The following AKIRIN1 variants were observed in gnomAD, a reference collection of about 807,000 sequenced individuals.
AKIRIN1 encodes the protein akirin-1.
Under a neutral mutation model 25.9 loss-of-function variants are expected in AKIRIN1, and 4 were observed. That is an observed-to-expected ratio of 0.15 (90% confidence interval 0.08 to 0.35). The LOEUF (loss-of-function observed/expected upper bound fraction) is 0.35, where lower values mean the gene tolerates loss of function less well. Among genes scored for constraint, AKIRIN1 ranks in the 10% least tolerant of loss-of-function variants. AKIRIN1 has a pLI of 1.00. For missense variants in AKIRIN1, 243 were observed against 266.1 expected (o/e 0.91, Z 0.61); for synonymous variants, 125 against 105.1 (o/e 1.19, Z -1.16).
In AKIRIN1 at chr1:38,994,682, T is replaced by A. The variant is rs1248389031; in HGVS notation, c.220+3082T>A. Among the ~76,000 whole-genome samples, 377 of 103,978 alleles carry A rather than the reference T, an allele frequency of 3.6e-3. 17 individuals carry two copies. The highest frequency in any genetic ancestry group is 8.8e-3 in the Middle Eastern group (2 of 226). 68.2% of individuals were successfully genotyped at this position (103,978 alleles called of 152,430 possible). ...CACTACGCTCGGCTAATTTTTTTTT[T>A]TTTTTTTTTTTTTTTTTTTTTTTTG... On this transcript the variant is annotated intron_variant, in intron 1 of 4. Transcript: ENST00000432648.
At chr1:38,991,632 G>A in intron 1 of AKIRIN1, 32 bp downstream of exon 1, 6 of 761,626 alleles carry the variant, frequency 7.9e-6, no homozygotes, top group Non-Finnish European at 9.9e-6. Context: ...TTGGCAGGAA[G>A]CCAGGCCCAG....
At chr1:38,992,115 C>T (rs534166096) in intron 1 of AKIRIN1, among the ~76,000 whole-genome samples, 6 of 152,314 alleles carry the variant, frequency 3.9e-5, no homozygotes, top group Non-Finnish European at 5.9e-5. Context: ...GCAAGAGTCA[C>T]GGAATCCGAT....
chr1:38,996,018 G>A (rs545649678), intron 1 of AKIRIN1, among the ~76,000 whole-genome samples: 1 of 152,078 alleles, frequency 6.6e-6, no homozygotes, highest in African/African-American at 2.4e-5. Flanking sequence ...TGGGCGACAG[G>A]GTAAGACTCT....
At position 38,998,404 on chromosome 1, in the gene AKIRIN1, G is replaced by A. The variant is rs898564754; in HGVS notation, c.361+93G>A. 9 of 1,345,126 alleles carry A rather than the reference G, an allele frequency of 6.7e-6. 1 individual carries two copies. The African/African-American group carries it at 1.3e-4, about 20-fold the overall frequency. 83.3% of individuals were successfully genotyped at this position (1,345,126 alleles called of 1,614,324 possible). On this transcript the variant is annotated intron_variant, in intron 2 of 4. Coordinates refer to ENST00000432648, the MANE Select transcript of AKIRIN1 (RefSeq NM_024595.3). ...AGAATTGGCCTCCTCTAATGTAATAGAATTGCTAACGGGGATGTATTAATA... is the reference window on the plus strand; with the variant it reads ...AGAATTGGCCTCCTCTAATGTAATAAAATTGCTAACGGGGATGTATTAATA...
intron 2 of AKIRIN1, among the ~76,000 whole-genome samples, chr1:38,998,940 T>C (rs1156928671): frequency 6.6e-6 from 1 of 152,214 alleles, no homozygotes; most frequent in Non-Finnish European, 1.5e-5. Flanking sequence ...AGGTACTCAT[T>C]AGCCACATAT....
rs1261424531 is a variant in AKIRIN1 at position 39,004,900 on chromosome 1, C to T, written c.*845C>T. On this transcript the variant is annotated 3_prime_UTR_variant, in exon 5 of 5. Coordinates refer to ENST00000432648, the MANE Select transcript of AKIRIN1 (RefSeq NM_024595.3). ...AAAAGGTCTACCCTGGAGCCAGGAG[C>T]ATCAGGGTTGGCTTGGGAGCATGAG... 1.3e-5 allele frequency: 2 copies of T among 152,358 alleles called. No individual in the cohort carries two copies. Among genetic ancestry groups the T allele is most frequent in the South Asian group, 2.1e-4 (1 of 4,836 alleles). The allele number at this position is 152,358 out of a possible 1,614,324, so 9.4% of individuals were successfully genotyped here.
intron 3 of AKIRIN1, among the ~76,000 whole-genome samples, chr1:39,002,139 A>G (rs1422572810): frequency 6.6e-6 from 1 of 152,196 alleles, no homozygotes; most frequent in Non-Finnish European, 1.5e-5. Context: ...TCCTTTTCTG[A>G]TTAAAGTCCT....
chr1:38,991,729 A>G, intron 1 of AKIRIN1, 129 bp downstream of exon 1: 1 of 1,057,608 alleles, frequency 9.5e-7, no homozygotes, highest in Non-Finnish European at 1.2e-6. Flanking sequence ...AGAAAAGGGA[A>G]CTGGGATGCC....
intron 1 of AKIRIN1, among the ~76,000 whole-genome samples, chr1:38,996,209 C>A (rs7368120): frequency 2.0e-5 from 3 of 151,566 alleles, no homozygotes; most frequent in Non-Finnish European, 4.4e-5. Flanking sequence ...ATTCTCCTGC[C>A]TCAGCCTCCC....
chr1:38,991,299 C>T lies in AKIRIN1; in HGVS notation c.-82C>T, dbSNP rs574215672. ...GTGCTGGAGGCGCCATTGGAGCCGG[C>T]TTGGCTGGCGAGCCCGGCTGAGGAG... On this transcript the variant is annotated 5_prime_UTR_variant, in exon 1 of 5. Transcript: ENST00000432648. 4.7e-5 allele frequency: 58 copies of T among 1,233,698 alleles called. No individual in the cohort carries two copies. Among genetic ancestry groups the T allele is most frequent in the Admixed American group, 2.5e-4 (6 of 23,668 alleles). The allele number at this position is 1,233,698 out of a possible 1,614,324, so 76.4% of individuals were successfully genotyped here.
chr1:38,995,321 G>A (rs1423052796), intron 1 of AKIRIN1, among the ~76,000 whole-genome samples: 1 of 152,212 alleles, frequency 6.6e-6, no homozygotes, highest in Non-Finnish European at 1.5e-5. Context: ...TCAAGAGTTT[G>A]AATTTTGGTT....
At chr1:38,999,389 C>G (rs1295786107) in intron 2 of AKIRIN1, among the ~76,000 whole-genome samples, 3 of 152,164 alleles carry the variant, frequency 2.0e-5, no homozygotes, top group Admixed American at 2.0e-4. Flanking sequence ...TGTTCTGGAA[C>G]TAGAAGTGGT....
chr1:38,998,129 A>C, intron 1 of AKIRIN1, 42 bp from the exon 2 acceptor site: 1 of 1,579,200 alleles, frequency 6.3e-7, no homozygotes, highest in Non-Finnish European at 8.6e-7. Flanking sequence ...TGAAGAAATG[A>C]GACAATAAAG....
chr1:38,991,668 G>GGT, intron 1 of AKIRIN1, 68 bp downstream of exon 1: 4 of 648,120 alleles, frequency 6.2e-6, no homozygotes, highest in Non-Finnish European at 8.5e-6. Flanking sequence ...GGTGGTGGGG[G>GGT]AGGGTTGGGA....
At chr1:38,995,120 C>A (rs537661462) in intron 1 of AKIRIN1, among the ~76,000 whole-genome samples, 3 of 152,272 alleles carry the variant, frequency 2.0e-5, no homozygotes, top group Non-Finnish European at 4.4e-5. Context: ...AGCCACTGCG[C>A]CTGGCTAGCT....
intron 1 of AKIRIN1, among the ~76,000 whole-genome samples, chr1:38,997,498 T>G (rs906930250): frequency 6.6e-6 from 1 of 152,090 alleles, no homozygotes; most frequent in African/African-American, 2.4e-5. Flanking sequence ...AAAGTTTATT[T>G]TGATTTGTTT....
rs570235442 is a variant in AKIRIN1 at position 38,997,240 on chromosome 1, C to A, written c.221-931C>A. On this transcript the variant is annotated intron_variant, in intron 1 of 4. Transcript: ENST00000432648. ...CTTGAAAACCACATCCTTTTAGATT[C>A]TTTGTTGTTTCTAGGAGTGTATTTC... Among the ~76,000 whole-genome samples the A allele has an allele frequency of 2.6e-5, 4 of 152,102 alleles. No homozygotes were observed. The South Asian group carries it at 8.3e-4, about 32-fold the overall frequency.
chr1:38,997,736 C>G (rs529468733), intron 1 of AKIRIN1, among the ~76,000 whole-genome samples: 53 of 152,292 alleles, frequency 3.5e-4, no homozygotes, highest in African/African-American at 1.1e-3. Context: ...GTATGAGACT[C>G]ACCCCTTAAT....
Position 38,991,289 on chromosome 1 carries a change from T to C in AKIRIN1, c.-92T>C, listed in dbSNP as rs1282358829. 1.6e-5 allele frequency: 19 copies of C among 1,160,788 alleles called. No individual in the cohort carries two copies. Among genetic ancestry groups the C allele is most frequent in the Non-Finnish European group, 2.0e-5 (18 of 899,168 alleles). 71.9% of individuals were successfully genotyped at this position (1,160,788 alleles called of 1,614,324 possible). On this transcript the variant is annotated 5_prime_UTR_variant, in exon 1 of 5. Coordinates refer to ENST00000432648, the MANE Select transcript of AKIRIN1 (RefSeq NM_024595.3). ...CCGCTGCCGGGTGCTGGAGGCGCCA[T>C]TGGAGCCGGCTTGGCTGGCGAGCCC... is the stretch of plus-strand genomic sequence containing the variant.
Sources: allele counts gnomAD v4.1 joint callset (sites outside exome capture counted in the v4.1 genomes callset), GRCh38; gene constraint gnomAD v4.1.1; transcripts MANE v1.5; gene names NCBI Gene and HGNC (gene_info 2026-07-23, HGNC 2026-07-21).